LRP1B: variants seen among roughly 807,000 people sequenced by gnomAD.
LRP1B encodes the protein low-density lipoprotein receptor-related protein 1B.
LRP1B carries 217 observed loss-of-function variants against 556.6 expected under a neutral mutation model. That is an observed-to-expected ratio of 0.39 (90% confidence interval 0.35 to 0.44). The LOEUF is 0.44. Among genes scored for constraint, LRP1B ranks in the 20% least tolerant of loss-of-function variants. The probability of loss-of-function intolerance (pLI) is 1.00; values close to 1 mark genes in which losing one functional copy is unlikely to be tolerated. For synonymous variants in LRP1B, 2,047 were observed against 1,865.8 expected (o/e 1.10, Z -2.50); for missense variants, 5,053 against 5,620.8 (o/e 0.90, Z 3.23).
At chr2:141,611,930 T>G (rs975765209) in intron 2 of LRP1B, among the ~76,000 whole-genome samples, 2 of 152,210 alleles carry the variant, frequency 1.3e-5, no homozygotes, top group Non-Finnish European at 2.9e-5. Context: ...GGTAAGCTTC[T>G]GGATAATTAT....
chr2:141,642,203 G>A (rs1036305690), intron 2 of LRP1B, among the ~76,000 whole-genome samples: 18 of 152,094 alleles, frequency 1.2e-4, no homozygotes, highest in African/African-American at 4.3e-4. Context: ...TCTTAAAAAT[G>A]TGACTATCCA....
chr2:141,030,904 A>C (rs1322149557), intron 11 of LRP1B, among the ~76,000 whole-genome samples: 2 of 152,020 alleles, frequency 1.3e-5, no homozygotes, highest in African/African-American at 2.4e-5. Context: ...TGAGGGAGGC[A>C]AAAAGTATGA....
At chr2:140,807,683 T>TA (rs112727907) in intron 32 of LRP1B, among the ~76,000 whole-genome samples, 7 of 151,846 alleles carry the variant, frequency 4.6e-5, no homozygotes, top group East Asian at 1.9e-4. Context: ...GAAAATTCCA[T>TA]AAAAAAAATT....
intron 11 of LRP1B, among the ~76,000 whole-genome samples, chr2:141,047,656 C>T (rs201589445): frequency 6.6e-6 from 1 of 152,134 alleles, no homozygotes; most frequent in East Asian, 1.9e-4. Context: ...CAAACTCCTT[C>T]ACTTACCTTC....
chr2:140,332,285 A>G (rs13425729), intron 79 of LRP1B, among the ~76,000 whole-genome samples: 2,750 of 151,846 alleles, frequency 0.018, 71 homozygotes, highest in African/African-American at 0.062. Flanking sequence ...TGCAAAAACT[A>G]CAATTCTGCA....
At chr2:140,439,711 A>C (rs1304205762) in intron 66 of LRP1B, among the ~76,000 whole-genome samples, 1 of 152,060 alleles carries the variant, frequency 6.6e-6, no homozygotes, top group Non-Finnish European at 1.5e-5. Context: ...CTGGTCTCCT[A>C]AACTATATTT....
chr2:141,202,774 G>T (rs201101094), intron 6 of LRP1B, among the ~76,000 whole-genome samples: 2 of 151,656 alleles, frequency 1.3e-5, no homozygotes, highest in East Asian at 3.9e-4. Context: ...CCATTCTGGG[G>T]TACATATGCA....
At chr2:140,862,423 C>T (rs1167368099) in intron 27 of LRP1B, among the ~76,000 whole-genome samples, 1 of 152,198 alleles carries the variant, frequency 6.6e-6, no homozygotes, top group Non-Finnish European at 1.5e-5. Context: ...AGAGTAACTG[C>T]AACAGAGAAC....
chr2:140,265,482 T>G (rs1278162312), intron 86 of LRP1B, among the ~76,000 whole-genome samples: 1 of 152,040 alleles, frequency 6.6e-6, no homozygotes, highest in Non-Finnish European at 1.5e-5. Flanking sequence ...AGGAACAAAT[T>G]TATTCCTTAA....
At chr2:140,766,615 A>G (rs1689112354) in intron 35 of LRP1B, among the ~76,000 whole-genome samples, 1 of 124,608 alleles carries the variant, frequency 8.0e-6, no homozygotes, top group Admixed American at 8.3e-5. Flanking sequence ...CATCAGCTCT[A>G]CAGACTGATG....
intron 3 of LRP1B, among the ~76,000 whole-genome samples, chr2:141,465,033 A>T (rs1285979866): frequency 6.6e-6 from 1 of 152,190 alleles, no homozygotes; most frequent in Non-Finnish European, 1.5e-5. Context: ...TACCATCAGA[A>T]GGAGAATAAG....
intron 3 of LRP1B, among the ~76,000 whole-genome samples, chr2:141,281,811 A>G (rs1013989447): frequency 2.0e-5 from 3 of 152,042 alleles, no homozygotes; most frequent in African/African-American, 7.2e-5. Context: ...TTGATGACAG[A>G]CTGTTTCACA....
intron 3 of LRP1B, among the ~76,000 whole-genome samples, chr2:141,371,911 A>C (rs1689242532): frequency 6.6e-6 from 1 of 152,096 alleles, no homozygotes. Context: ...TATCTTGCAC[A>C]AGACTGATAA....
intron 47 of LRP1B, among the ~76,000 whole-genome samples, chr2:140,531,206 C>T (rs770085639): frequency 1.1e-4 from 16 of 152,046 alleles, no homozygotes; most frequent in Non-Finnish European, 2.1e-4. Flanking sequence ...GTATTTATTG[C>T]TCAGTTCCTG....
chr2:140,307,965 G>C (rs1324783596), intron 83 of LRP1B, among the ~76,000 whole-genome samples: 1 of 151,700 alleles, frequency 6.6e-6, no homozygotes, highest in East Asian at 1.9e-4. Flanking sequence ...TATAGCAATT[G>C]CTACATTAAA....
chr2:140,311,433 CTA>C (rs1684296507), intron 83 of LRP1B, among the ~76,000 whole-genome samples: 1 of 151,740 alleles, frequency 6.6e-6, no homozygotes, highest in African/African-American at 2.4e-5. Context: ...CTCAGAAAGT[CTA>C]TTACCACCTG....
At chr2:141,662,465 A>G (rs890168350) in intron 2 of LRP1B, among the ~76,000 whole-genome samples, 2 of 152,214 alleles carry the variant, frequency 1.3e-5, no homozygotes, top group African/African-American at 4.8e-5. Context: ...ACAGAGGGTC[A>G]AAATAAAGGG....
intron 25 of LRP1B, among the ~76,000 whole-genome samples, chr2:140,882,251 C>A (rs1693498204): frequency 6.6e-6 from 1 of 152,092 alleles, no homozygotes; most frequent in Non-Finnish European, 1.5e-5. Context: ...GAGCTAGCAA[C>A]TTTGTGGGAA....
chr2:141,792,670 A>G (rs1217091151), intron 2 of LRP1B, among the ~76,000 whole-genome samples: 2 of 152,012 alleles, frequency 1.3e-5, no homozygotes, highest in Non-Finnish European at 2.9e-5. Flanking sequence ...TAGTTATTGT[A>G]AAACTGGACA....
Sources: allele counts gnomAD v4.1 joint callset (sites outside exome capture counted in the v4.1 genomes callset), GRCh38; gene constraint gnomAD v4.1.1; transcripts MANE v1.5; gene names NCBI Gene and HGNC (gene_info 2026-07-23, HGNC 2026-07-21).